The following CCPG1 variants were observed in gnomAD, a reference collection of about 807,000 sequenced individuals.
CCPG1 encodes cell cycle progression 1, also known as cell cycle progression protein 1.
A neutral mutation model predicts 81.3 loss-of-function variants in CCPG1; 46 were observed. The observed-to-expected ratio is 0.57, with a 90% confidence interval of 0.45 to 0.72. The LOEUF is 0.72. CCPG1 is among the 30% of genes least tolerant of loss of function. The pLI, the probability that CCPG1 is intolerant of heterozygous loss-of-function variation, is 0.00. For synonymous variants in CCPG1, 330 were observed against 305.2 expected, an observed-to-expected ratio of 1.08 and a Z score of -0.85; for missense variants, 902 against 937.6, an observed-to-expected ratio of 0.96 and a Z score of 0.50.
chr15:55,356,772 T>A, intron 8 of CCPG1: 1 of 1,002,930 alleles, frequency 1.0e-6, no homozygotes, highest in Non-Finnish European at 1.2e-6. Flanking sequence ...CATACACATC[T>A]CTCACAAACA....
At chr15:55,365,143 AAAT>A (rs1383833626) in intron 7 of CCPG1, 42 bp downstream of exon 7, 1 of 1,196,732 alleles carries the variant, frequency 8.4e-7, no homozygotes, top group Non-Finnish European at 1.2e-6. Context: ...CTAATAAGCA[AAAT>A]AATTACTAAC....
chr15:55,387,224 T>C (rs962258342), intron 2 of CCPG1, among the ~76,000 whole-genome samples: 2 of 152,158 alleles, frequency 1.3e-5, no homozygotes, highest in Non-Finnish European at 2.9e-5. Context: ...CTTGACTGAG[T>C]GCCAGACAGA....
chr15:55,359,100 G>A (rs1289833904), intron 8 of CCPG1: 1 of 983,958 alleles, frequency 1.0e-6, no homozygotes, highest in Non-Finnish European at 1.2e-6. Flanking sequence ...AAATAGGTGG[G>A]ACATTAGAAT....
intron 4 of CCPG1, among the ~76,000 whole-genome samples, chr15:55,377,738 A>G (rs1199323214): frequency 6.6e-6 from 1 of 152,182 alleles, no homozygotes; most frequent in East Asian, 1.9e-4. Context: ...TTTTTTGCCC[A>G]TCTCCTCTTA....
chr15:55,392,840 C>T (rs1340673804), intron 1 of CCPG1, among the ~76,000 whole-genome samples: 1 of 152,170 alleles, frequency 6.6e-6, no homozygotes, highest in Non-Finnish European at 1.5e-5. Flanking sequence ...TGCAGTGGCT[C>T]ACGCCTATAA....
rs1029935271 is a variant in CCPG1, at chr15:55,377,170, G to C, written c.253-20C>G. 2 of 1,553,272 alleles carry C rather than the reference G, an allele frequency of 1.3e-6. No individual in the cohort carries two copies. Among genetic ancestry groups the C allele is most frequent in the Non-Finnish European group, 1.8e-6 (2 of 1,126,998 alleles). On this transcript the variant is annotated intron_variant, in intron 4 of 8. Coordinates refer to ENST00000442196, the MANE Select transcript of CCPG1 (RefSeq NM_001204450.2). Reference sequence around the variant, plus strand: ...CTCTGCCTGAAGAATCATAATTTTAGAGATGGTAAGTTCAACAATCATTTA... The same window carrying C: ...CTCTGCCTGAAGAATCATAATTTTACAGATGGTAAGTTCAACAATCATTTA...
intron 3 of CCPG1, among the ~76,000 whole-genome samples, chr15:55,381,738 G>A (rs1428550417): frequency 3.3e-5 from 5 of 152,152 alleles, no homozygotes; most frequent in African/African-American, 1.2e-4. Context: ...GAACATAAGT[G>A]TATGCAGTAA....
At chr15:55,391,225 C>T (rs891575217) in intron 1 of CCPG1, among the ~76,000 whole-genome samples, 6 of 152,146 alleles carry the variant, frequency 3.9e-5, no homozygotes, top group Non-Finnish European at 7.3e-5. Context: ...CAAGCTCAAT[C>T]GATCCTCCTG....
chr15:55,372,858 G>C, intron 5 of CCPG1: 1 of 488,464 alleles, frequency 2.0e-6, no homozygotes, highest in South Asian at 1.6e-5. Context: ...GGTGTATCTG[G>C]TCTCTAGTTT....
chr15:55,393,588 G>A (rs959251597), intron 1 of CCPG1, among the ~76,000 whole-genome samples: 2 of 152,136 alleles, frequency 1.3e-5, no homozygotes, highest in African/African-American at 2.4e-5. Flanking sequence ...ATAGCGGGAA[G>A]GGTTTTGAAG....
intron 6 of CCPG1, among the ~76,000 whole-genome samples, chr15:55,366,573 A>C (rs1188599073): frequency 6.6e-6 from 1 of 152,128 alleles, no homozygotes; most frequent in African/African-American, 2.4e-5. Flanking sequence ...GGAGTTCGAG[A>C]CCAGCCTGAC....
rs367755555 is a variant in CCPG1 at position 55,385,618 on chromosome 15, A to G, written c.157T>C (p.Leu53=). The G allele has an allele frequency of 8.4e-5, 134 of 1,596,092 alleles. No homozygotes were observed. The highest frequency in any genetic ancestry group is 1.1e-4 in the Non-Finnish European group (127 of 1,169,382). The change falls in exon 3 of 9, where the codon TTG becomes CTG. Residue 53 remains leucine (L), a synonymous_variant. Coordinates refer to ENST00000442196, the MANE Select transcript of CCPG1 (RefSeq NM_001204450.2). ...AACTTACCTCCTTGCTCTATCTGCA[A>G]TGCTTGAAGCTCCTCTTGCTCTAAA... The part of the protein sequence containing the change: ...SSLEQEELQA[L]QIEQGESSQN...
intron 1 of CCPG1, among the ~76,000 whole-genome samples, chr15:55,393,055 G>A (rs1419871544): frequency 2.0e-5 from 3 of 152,184 alleles, no homozygotes; most frequent in Non-Finnish European, 4.4e-5. Flanking sequence ...GGTGAGCCAA[G>A]ATGGCGCCAT....
chr15:55,389,238 G>GTAA (rs2056866491), intron 2 of CCPG1, 127 bp downstream of exon 2: 2 of 658,314 alleles, frequency 3.0e-6, no homozygotes, highest in East Asian at 5.5e-5. Context: ...TTTAATATGA[G>GTAA]AGGGAAAATG....
intron 2 of CCPG1, 129 bp downstream of exon 2, chr15:55,389,236 G>GA (rs2056866418): frequency 3.1e-6 from 2 of 653,846 alleles, no homozygotes; most frequent in East Asian, 5.5e-5. Context: ...AGTTTAATAT[G>GA]AGAGGGAAAA....
In CCPG1 at chr15:55,355,600, C is replaced by T; in HGVS notation, c.*620G>A. The T allele has an allele frequency of 2.2e-6, 1 of 455,754 alleles. No individual in the cohort carries two copies. The allele number at this position is 455,754 out of a possible 1,614,324, so 28.2% of individuals were successfully genotyped here. On this transcript the variant is annotated 3_prime_UTR_variant, in exon 9 of 9. Coordinates refer to ENST00000442196, the MANE Select transcript of CCPG1 (RefSeq NM_001204450.2). ...TAAAATACCACATAGTATAAAATTA[C>T]ATGTTAATACAATGCCAGATTTTAA...
intron 3 of CCPG1, among the ~76,000 whole-genome samples, chr15:55,383,731 A>T (rs1044708795): frequency 6.6e-6 from 1 of 152,194 alleles, no homozygotes; most frequent in Non-Finnish European, 1.5e-5. Context: ...CTCATGAACC[A>T]ACCTCAGCTA....
At chr15:55,370,776 C>G (rs2056430142) in intron 6 of CCPG1, among the ~76,000 whole-genome samples, 1 of 151,146 alleles carries the variant, frequency 6.6e-6, no homozygotes, top group Non-Finnish European at 1.5e-5. Context: ...ACTCAGGAGG[C>G]TGAGGCAGGA....
At chr15:55,356,746 T>C in intron 8 of CCPG1, 1 of 1,028,810 alleles carries the variant, frequency 9.7e-7, no homozygotes, top group Non-Finnish European at 1.2e-6. Flanking sequence ...GCTGGCTTTA[T>C]CACTCAGCAG....
Sources: gnomAD v4.1 joint callset for allele counts (sites outside exome capture counted in the v4.1 genomes callset) on GRCh38, gnomAD v4.1.1 for gene constraint, MANE v1.5 for transcripts, NCBI Gene and HGNC (gene_info 2026-07-23, HGNC 2026-07-21) for gene names.